NACC2: variants seen among roughly 807,000 people sequenced by gnomAD.
The protein encoded by NACC2 is nucleus accumbens-associated protein 2.
In NACC2, 8 loss-of-function variants were observed where a neutral mutation model predicts 25.1. The ratio of observed to expected loss-of-function variants is 0.32; its 90% confidence interval spans 0.19 to 0.57. The LOEUF is 0.57. Ranked by LOEUF, NACC2 falls within the 20% of genes least tolerant of loss-of-function variation. The pLI is 0.89. For missense variants in NACC2, 644 were observed against 650.2 expected, an observed-to-expected ratio of 0.99 and a Z score of 0.10; for synonymous variants, 435 against 294.7, an observed-to-expected ratio of 1.48 and a Z score of -4.88.
At position 136,086,751 on chromosome 9, in the gene NACC2, T is replaced by G. The variant is rs1274091389; in HGVS notation, c.-60+8438A>C. Among the ~76,000 whole-genome samples the G allele has an allele frequency of 6.6e-6, 1 of 152,214 alleles. No homozygotes were observed. ...TTCCCTCCCACGACCCCCGCTCAGC[T>G]TGGGCCTGGAGCTGGCCAGCTGCAC... is the stretch of plus-strand genomic sequence containing the variant. On this transcript the variant is annotated intron_variant, in intron 1 of 5. Transcript: ENST00000277554. This position sits in a 1 kb window ranked among gnomAD's most constrained non-coding sequence, Gnocchi z 5.6.
At chr9:136,029,804 T>C (rs985878808) in intron 2 of NACC2, among the ~76,000 whole-genome samples, 1 of 152,162 alleles carries the variant, frequency 6.6e-6, no homozygotes, top group Admixed American at 6.5e-5. Context: ...CTGTGCACAG[T>C]GGCTGGGCCT....
Position 136,018,202 on chromosome 9 carries a change from C to A in NACC2, c.887-1773G>T, listed in dbSNP as rs1358162481. Reference sequence around the variant, plus strand: ...CATGCTGTCCCTGTTCCCAGTCCCTCCATGACCCCCACCTTGGAGAGTCAC... The same window carrying A: ...CATGCTGTCCCTGTTCCCAGTCCCTACATGACCCCCACCTTGGAGAGTCAC... On this transcript the variant is annotated intron_variant, in intron 2 of 5. Coordinates refer to ENST00000277554, the MANE Select transcript of NACC2 (RefSeq NM_144653.5). This position sits in a 1 kb window ranked among gnomAD's most constrained non-coding sequence, Gnocchi z 4.4. 5.9e-5 allele frequency among the ~76,000 whole-genome samples: 9 copies of A among 152,144 alleles called. No homozygotes were observed. The highest frequency in any genetic ancestry group is 5.9e-4 in the Admixed American group (9 of 15,284).
intron 1 of NACC2, among the ~76,000 whole-genome samples, chr9:136,070,222 T>TA (rs1476306924): frequency 1.3e-5 from 2 of 151,798 alleles, no homozygotes; most frequent in African/African-American, 4.9e-5. Context: ...GAAAATCAAA[T>TA]ACGGGCCGGG....
intron 2 of NACC2, among the ~76,000 whole-genome samples, chr9:136,043,544 T>A (rs1477347099): frequency 6.6e-6 from 1 of 152,212 alleles, no homozygotes; most frequent in African/African-American, 2.4e-5. Flanking sequence ...CTTGGCCTCA[T>A]GCGTTCAACC....
At chr9:136,092,656 CAT>C (rs1324430586) in intron 1 of NACC2, among the ~76,000 whole-genome samples, 7 of 152,216 alleles carry the variant, frequency 4.6e-5, no homozygotes, top group Non-Finnish European at 1.0e-4. Flanking sequence ...GAGGCAGGGA[CAT>C]GTGCTACCAA....
chr9:136,034,669 A>C (rs1292609614), intron 2 of NACC2, among the ~76,000 whole-genome samples: 1 of 152,164 alleles, frequency 6.6e-6, no homozygotes, highest in African/African-American at 2.4e-5. Flanking sequence ...AAAAAAAAAA[A>C]AGTCTACACT....
At chr9:136,031,324 C>CTCATTCATTCATTCATTCAT (rs140651085) in intron 2 of NACC2, among the ~76,000 whole-genome samples, 736 of 150,692 alleles carry the variant, frequency 4.9e-3, no homozygotes, top group Admixed American at 7.5e-3. Context: ...ACTCCACAGC[C>CTCATTCATTCATTCATTCAT]TCATTCATTC....
At chr9:136,047,202 G>C (rs983329555) in intron 2 of NACC2, among the ~76,000 whole-genome samples, 9 of 152,234 alleles carry the variant, frequency 5.9e-5, no homozygotes, top group African/African-American at 2.2e-4. Flanking sequence ...GACGTTCCCC[G>C]GACGAGCCCG....
intron 2 of NACC2, among the ~76,000 whole-genome samples, chr9:136,029,945 C>T (rs536848047): frequency 4.6e-5 from 7 of 152,130 alleles, no homozygotes; most frequent in East Asian, 1.9e-4. Flanking sequence ...CCAGCAGGCA[C>T]GAGCAAAACT....
At chr9:136,082,114 G>A (rs569471856) in intron 1 of NACC2, among the ~76,000 whole-genome samples, 2 of 152,338 alleles carry the variant, frequency 1.3e-5, no homozygotes, top group South Asian at 2.1e-4. Flanking sequence ...ACCTGCCGGG[G>A]CCCTGGGTCA....
At chr9:136,085,228 C>T (rs1463037683) in intron 1 of NACC2, among the ~76,000 whole-genome samples, 1 of 141,146 alleles carries the variant, frequency 7.1e-6, no homozygotes, top group Non-Finnish European at 1.5e-5. Flanking sequence ...CAGCTCACTG[C>T]AACCTCCGCC....
chr9:136,088,553 G>T (rs538171636), intron 1 of NACC2, among the ~76,000 whole-genome samples: 1 of 152,152 alleles, frequency 6.6e-6, no homozygotes, highest in Non-Finnish European at 1.5e-5. Context: ...CTTGGGGCTC[G>T]TGGGGACCCA....
At position 136,049,690 on chromosome 9, in the gene NACC2, T is replaced by C. The variant is rs1283399837; in HGVS notation, c.832A>G (p.Met278Val). 2 of 779,028 alleles carry C rather than the reference T, an allele frequency of 2.6e-6. No homozygotes were observed. Among genetic ancestry groups the C allele is most frequent in the Non-Finnish European group, 4.8e-6 (2 of 417,394 alleles). The allele number at this position is 779,028 out of a possible 1,614,324, so 48.3% of individuals were successfully genotyped here. The change falls in exon 2 of 6, where the codon ATG (methionine) becomes GTG (valine). Residue 278 changes from methionine (M) to valine (V), a missense_variant. Transcript: ENST00000277554. ...ATCTGGCCGTACTGCTCCTCCACCATGGTGTCGTAGGCCTCGTCGTCCTCC... is the reference window on the plus strand; with the variant it reads ...ATCTGGCCGTACTGCTCCTCCACCACGGTGTCGTAGGCCTCGTCGTCCTCC... ...DEEDDEAYDTMVEEQYGQMYI... is the reference protein window; with the variant it reads ...DEEDDEAYDTVVEEQYGQMYI...
rs2131162367 is a variant in NACC2 at position 136,050,101 on chromosome 9, C to T, written c.421G>A (p.Glu141Lys). 1 of 751,230 alleles carries T rather than the reference C, an allele frequency of 1.3e-6. No individual in the cohort carries two copies. The highest frequency in any genetic ancestry group is 2.4e-6 in the Non-Finnish European group (1 of 408,286). The allele number at this position is 751,230 out of a possible 1,614,324, so 46.5% of individuals were successfully genotyped here. A position where few individuals can be genotyped will look rare whatever the true frequency, so the allele number is the denominator to read the frequency against. The change falls in exon 2 of 6, where the codon GAG (glutamate) becomes AAG (lysine). Residue 141 changes from glutamate to lysine, a missense_variant. By Grantham distance (56) the Glu-to-Lys change is moderately conservative. Transcript: ENST00000277554. ...AGCTGGTTGCAGGGGCTCTGGGGCT[C>T]GGAGCCGGCGTCCTCGATCACAGCG... ...QTAVIEDAGS[E>K]PQSPCNQLQP... is the part of the protein sequence containing the mutation.
chr9:136,063,177 C>T (rs1841036310), intron 1 of NACC2, among the ~76,000 whole-genome samples: 1 of 152,204 alleles, frequency 6.6e-6, no homozygotes, highest in Non-Finnish European at 1.5e-5. Context: ...GAGCCGCATT[C>T]CCATTACGTG....
chr9:136,033,119 T>C (rs983912456), intron 2 of NACC2, among the ~76,000 whole-genome samples: 3 of 151,934 alleles, frequency 2.0e-5, no homozygotes, highest in Non-Finnish European at 4.4e-5. Context: ...GAGACTGCAG[T>C]GAGCCAAGAT....
rs1840263338 is a variant in NACC2, at chr9:136,019,890, G to A, written c.887-3461C>T. Among the ~76,000 whole-genome samples the A allele has an allele frequency of 6.6e-6, 1 of 151,874 alleles. No individual in the cohort carries two copies. The highest frequency in any genetic ancestry group is 1.5e-5 in the Non-Finnish European group (1 of 67,964). On this transcript the variant is annotated intron_variant, in intron 2 of 5. Coordinates refer to ENST00000277554, the MANE Select transcript of NACC2 (RefSeq NM_144653.5). This position sits in a 1 kb window ranked among gnomAD's most constrained non-coding sequence, Gnocchi z 5.2. ...TGAGCCTGGAGGACACCACACTCAGGAAGCTGCCAGACACAGAAGGACACA... is the reference window on the plus strand; with the variant it reads ...TGAGCCTGGAGGACACCACACTCAGAAAGCTGCCAGACACAGAAGGACACA...
At position 136,055,912 on chromosome 9, in the gene NACC2, G is replaced by A. The variant is rs184947951; in HGVS notation, c.-59-5332C>T. Among the ~76,000 whole-genome samples, 51 of 152,288 alleles carry A rather than the reference G, an allele frequency of 3.3e-4. No individual in the cohort carries two copies. The East Asian group carries it at 7.7e-3, about 23-fold the overall frequency. On this transcript the variant is annotated intron_variant, in intron 1 of 5. Transcript: ENST00000277554. This position sits in a 1 kb window ranked among gnomAD's most constrained non-coding sequence, Gnocchi z 4.9. ...GCGTGAGAAGGTGTGGGGATGGGGC[G>A]GGCCTGCTGTGCCAGGTGCTCTGGA...
At position 136,010,244 on chromosome 9, in the gene NACC2, A is replaced by C. The variant is rs947367688; in HGVS notation, c.*1272T>G. 6.5e-6 allele frequency: 1 copy of C among 152,688 alleles called. No individual in the cohort carries two copies. Among genetic ancestry groups the C allele is most frequent in the African/African-American group, 2.4e-5 (1 of 41,314 alleles). The allele number at this position is 152,688 out of a possible 1,614,324, so 9.5% of individuals were successfully genotyped here. On this transcript the variant is annotated 3_prime_UTR_variant, in exon 6 of 6. Coordinates refer to ENST00000277554, the MANE Select transcript of NACC2 (RefSeq NM_144653.5). The surrounding 1 kb of genome is among the most constrained non-coding windows in gnomAD (Gnocchi z 4.9). ...CAGTGCCCATACCTCCAACTGCCCC[A>C]GCCCAGGCCTGTCCCGGTCATCCCC...
Sources: gnomAD v4.1 joint callset for allele counts (sites outside exome capture counted in the v4.1 genomes callset) on GRCh38, gnomAD v4.1.1 for gene constraint, Gnocchi (gnomAD v3.1) non-coding constraint, MANE v1.5 for transcripts, NCBI Gene and HGNC (gene_info 2026-07-23, HGNC 2026-07-21) for gene names.